Variants in CACNA1G observed in about 807,000 individuals in gnomAD.
The protein encoded by CACNA1G is calcium voltage-gated channel subunit alpha1 G, also known as voltage-dependent T-type calcium channel subunit alpha-1G.
In CACNA1G, 67 loss-of-function variants were observed where a neutral mutation model predicts 219.4. The observed-to-expected ratio is 0.31, with a 90% CI of 0.25 to 0.37. CACNA1G has a LOEUF of 0.37. CACNA1G is among the 10% of genes least tolerant of loss of function. The pLI, the probability that CACNA1G is intolerant of heterozygous loss-of-function variation, is 1.00. For missense variants in CACNA1G, 2,380 were observed against 3,231.4 expected, an observed-to-expected ratio of 0.74 and a Z score of 6.39; for synonymous variants, 1,296 against 1,345.3, an observed-to-expected ratio of 0.96 and a Z score of 0.80.
chr17:50,624,368 T>C lies in CACNA1G; in HGVS notation c.6238T>C (p.Leu2080=). 2 of 1,290,264 alleles carry C rather than the reference T, an allele frequency of 1.6e-6. No individual in the cohort carries two copies. Among genetic ancestry groups the C allele is most frequent in the Non-Finnish European group, 2.1e-6 (2 of 965,296 alleles). The allele number at this position is 1,290,264 out of a possible 1,614,324, so 79.9% of individuals were successfully genotyped here. A position where few individuals can be genotyped will look rare whatever the true frequency, so the allele number is the denominator to read the frequency against. ...GLPKAQSGSV[L]SVHSQPADTS... ...CTTCCCTCCCTCCACAGGCTCCGTC[T>C]TGTCCGTTCACTCCCAGCCAGCAGA... is the stretch of plus-strand genomic sequence containing the variant. Residue 2080 remains leucine, a synonymous_variant, in exon 37 of 38, where the codon TTG becomes CTG. Coordinates refer to ENST00000359106, the MANE Select transcript of CACNA1G (RefSeq NM_018896.5).
rs767906351 is a variant in CACNA1G, at chr17:50,575,747, C to T, written c.1345C>T (p.Arg449Cys). 2.7e-5 allele frequency: 43 copies of T among 1,572,316 alleles called. No homozygotes were observed. Among genetic ancestry groups the T allele is most frequent in the Admixed American group, 5.6e-5 (3 of 53,310 alleles). ...GGTGTACATCCTTCGTAAGGCAGCCCGCAGGCTGGCTCAGGTCTCTCGGGC... is the reference window on the plus strand; with the variant it reads ...GGTGTACATCCTTCGTAAGGCAGCCTGCAGGCTGGCTCAGGTCTCTCGGGC... ...YLVYILRKAA[R>C]RLAQVSRAAG... The change falls in exon 8 of 38, where the codon CGC becomes TGC. Residue 449 changes from arginine to cysteine, a missense_variant. By Grantham distance (180) the Arg-to-Cys change is radical. Coordinates refer to ENST00000359106, the MANE Select transcript of CACNA1G (RefSeq NM_018896.5).
chr17:50,605,035 C>G (rs755371139), intron 22 of CACNA1G, among the ~76,000 whole-genome samples: 1 of 152,152 alleles, frequency 6.6e-6, no homozygotes, highest in Non-Finnish European at 1.5e-5. Context: ...ATTCTCTAGC[C>G]CTAGGGAACA....
chr17:50,566,031 C>T (rs577315600), intron 1 of CACNA1G, among the ~76,000 whole-genome samples: 108 of 151,754 alleles, frequency 7.1e-4, no homozygotes, highest in African/African-American at 2.5e-3. Flanking sequence ...CAACCAGTGT[C>T]CCCCGTTCCC....
At position 50,609,898 on chromosome 17, in the gene CACNA1G, T is replaced by C. The variant is rs759554505; in HGVS notation, c.4722T>C (p.Asp1574=). The C allele has an allele frequency of 1.9e-6, 3 of 1,611,692 alleles. No homozygotes were observed. Among genetic ancestry groups the C allele is most frequent in the Middle Eastern group, 1.6e-4 (1 of 6,062 alleles). Residue 1574 remains aspartate, a synonymous_variant, in exon 26 of 38, where the codon GAT becomes GAC. Transcript: ENST00000359106. ...EKKRRNLMLD[D]VIASGSSASA... Reference sequence around the variant, plus strand: ...TTCTTTTAGATCTAATGCTGGACGATGTAATTGCTTCCGGCAGCTCAGCCA... The same window carrying C: ...TTCTTTTAGATCTAATGCTGGACGACGTAATTGCTTCCGGCAGCTCAGCCA...
Position 50,618,197 on chromosome 17 carries a change from T to G in CACNA1G, c.5306-25T>G. On this transcript the variant is annotated intron_variant, in intron 31 of 37. Transcript: ENST00000359106. The surrounding 1 kb of genome is among the most constrained non-coding windows in gnomAD (Gnocchi z 5.3). ...GGGGGCTCCTGGACTAACATGGGCC[T>G]CTCCCCCTTTCCCTCCTCCCCCAGA... 1 of 1,612,732 alleles carries G rather than the reference T, an allele frequency of 6.2e-7. No homozygotes were observed. The highest frequency in any genetic ancestry group is 8.5e-7 in the Non-Finnish European group (1 of 1,179,002).
At chr17:50,581,802 C>A (rs547646641) in intron 9 of CACNA1G, among the ~76,000 whole-genome samples, 18 of 152,342 alleles carry the variant, frequency 1.2e-4, no homozygotes, top group African/African-American at 4.3e-4. Flanking sequence ...TACATGTGTG[C>A]CCCATCCGCT....
intron 8 of CACNA1G, 96 bp downstream of exon 8, chr17:50,576,422 GC>G (rs1171242237): frequency 1.6e-6 from 2 of 1,214,622 alleles, no homozygotes; most frequent in Admixed American, 2.0e-5. Context: ...AGGGACCAGG[GC>G]TTATATTCTC....
chr17:50,578,307 G>C lies in CACNA1G; in HGVS notation c.2044G>C (p.Asp682His), dbSNP rs113488484. The change falls in exon 9 of 38, where the codon GAC becomes CAC. Residue 682 changes from aspartate (D) to histidine (H), a missense_variant. By Grantham distance (81) the Asp-to-His change is moderately conservative. This residue lies in a region of CACNA1G where 434 missense variants were observed against 417.3 expected (regional missense o/e 1.04). Transcript: ENST00000359106. The surrounding 1 kb of genome is among the most constrained non-coding windows in gnomAD (Gnocchi z 4.5). ...RAGAGEVELA[D>H]REMPDSDSEA... Reference sequence around the variant, plus strand: ...CGGGGCAGGGGAGGTGGAGCTCGCCGACCGTGAAATGCCTGACTCAGACAG... The same window carrying C: ...CGGGGCAGGGGAGGTGGAGCTCGCCCACCGTGAAATGCCTGACTCAGACAG... 12 of 1,613,042 alleles carry C rather than the reference G, an allele frequency of 7.4e-6. No individual in the cohort carries two copies. Among genetic ancestry groups the C allele is most frequent in the East Asian group, 2.2e-5 (1 of 44,896 alleles).
intron 1 of CACNA1G, among the ~76,000 whole-genome samples, chr17:50,565,382 T>TGAGG (rs1555632629): frequency 1.4e-3 from 164 of 113,402 alleles, no homozygotes; most frequent in South Asian, 2.6e-3. Context: ...GCTTGTGGGG[T>TGAGG]GGGGCGGGGG....
intron 20 of CACNA1G, 49 bp from the exon 21 acceptor site, chr17:50,602,966 T>C (rs1598507876): frequency 2.5e-6 from 4 of 1,610,406 alleles, no homozygotes; most frequent in South Asian, 2.2e-5. Flanking sequence ...GGTGGGAGGG[T>C]TGGCTGCAGC....
intron 23 of CACNA1G, 198 bp downstream of exon 23, chr17:50,606,221 G>A (rs772126273): frequency 7.8e-6 from 6 of 771,100 alleles, no homozygotes; most frequent in East Asian, 7.7e-5. Context: ...GGCCCATGGG[G>A]TCTCTAGCCG....
chr17:50,602,970 C>A, intron 20 of CACNA1G, 45 bp from the exon 21 acceptor site: 1 of 1,610,524 alleles, frequency 6.2e-7, no homozygotes, highest in Non-Finnish European at 8.5e-7. Context: ...GGAGGGTTGG[C>A]TGCAGCGCAG....
In CACNA1G at chr17:50,599,656, T is replaced by C. The variant is rs748267679; in HGVS notation, c.3487T>C (p.Ser1163Pro). 5 of 1,612,672 alleles carry C rather than the reference T, an allele frequency of 3.1e-6. No individual in the cohort carries two copies. The South Asian group carries it at 5.5e-5, about 18-fold the overall frequency. The change falls in exon 17 of 38, where the codon TCC (serine) becomes CCC (proline). Residue 1163 changes from serine to proline, a missense_variant. Physicochemically the swap from Ser to Pro is moderately conservative, Grantham distance 74. Transcript: ENST00000359106. ...GGGCAGTGACCATCGCCACAGGGGGTCCCTGGAGCGGGAGGCCAAGAGTTC... is the reference window on the plus strand; with the variant it reads ...GGGCAGTGACCATCGCCACAGGGGGCCCCTGGAGCGGGAGGCCAAGAGTTC... Reference protein sequence around the residue: ...PAGSDHRHRGSLEREAKSSFD... With the variant: ...PAGSDHRHRGPLEREAKSSFD...
At position 50,591,471 on chromosome 17, in the gene CACNA1G, G is replaced by T. The variant is rs2044325987; in HGVS notation, c.2490G>T (p.Leu830=). The change falls in exon 11 of 38, where the codon CTG becomes CTT. Residue 830 remains leucine (L), a synonymous_variant. Transcript: ENST00000359106. ...TCGTGGGCCAGCAGGGGGGCGGCCT[G>T]TCGGTGCTGCGGACCTTCCGCCTGA... ...WEIVGQQGGG[L]SVLRTFRLMR... 6.3e-7 allele frequency: 1 copy of T among 1,598,580 alleles called. No individual in the cohort carries two copies. The highest frequency in any genetic ancestry group is 1.3e-5 in the African/African-American group (1 of 74,852).
chr17:50,591,382 T>A, intron 10 of CACNA1G, 53 bp from the exon 11 acceptor site: 1 of 1,437,132 alleles, frequency 7.0e-7, no homozygotes, highest in Non-Finnish European at 9.2e-7. Context: ...TCCGAGGGAG[T>A]AGGGGGAGAG....
At chr17:50,574,381 A>AG (rs1326703861) in intron 7 of CACNA1G, among the ~76,000 whole-genome samples, 4 of 152,234 alleles carry the variant, frequency 2.6e-5, no homozygotes, top group Non-Finnish European at 5.9e-5. Flanking sequence ...TGAGAGACAG[A>AG]GGGTAGGCCC....
intron 9 of CACNA1G, among the ~76,000 whole-genome samples, chr17:50,581,364 A>C (rs139128024): frequency 6.6e-6 from 1 of 151,844 alleles, no homozygotes; most frequent in Admixed American, 6.5e-5. Context: ...TAATGAGGCA[A>C]TTGTGTCCAT....
intron 13 of CACNA1G, 87 bp downstream of exon 13, chr17:50,592,179 C>T: frequency 7.0e-7 from 1 of 1,422,210 alleles, no homozygotes; most frequent in East Asian, 2.3e-5. Context: ...CCCTCTGTTG[C>T]CAACTTTGGG....
Position 50,609,924 on chromosome 17 carries a change from GCGCTGCGT to G in CACNA1G, c.4750_4757del (p.Ala1584ArgfsTer55). The G allele has an allele frequency of 6.2e-7, 1 of 1,610,988 alleles. No individual in the cohort carries two copies. Among genetic ancestry groups the G allele is most frequent in the Non-Finnish European group, 8.5e-7 (1 of 1,179,764 alleles). ...GTAATTGCTTCCGGCAGCTCAGCCA[GCGCTGCGT>G]CAGGTACTGCGTCTGGGGTGTGGGC... On this transcript the variant is annotated frameshift_variant, in exon 26 of 38. Transcript: ENST00000359106. LOFTEE classifies it high-confidence loss of function.
Sources: gnomAD v4.1 joint callset for allele counts (sites outside exome capture counted in the v4.1 genomes callset) on GRCh38, gnomAD v4.1.1 for gene constraint, gnomAD v4.1.1 regional missense constraint, Gnocchi (gnomAD v3.1) non-coding constraint, MANE v1.5 for transcripts, NCBI Gene and HGNC (gene_info 2026-07-23, HGNC 2026-07-21) for gene names.